The following ZNF565 variants were observed in gnomAD, a reference collection of about 807,000 sequenced individuals.
ZNF565 encodes zinc finger protein 565.
Under a neutral mutation model 39.4 loss-of-function variants are expected in ZNF565, and 27 were observed. The observed-to-expected ratio is 0.69, with a 90% confidence interval of 0.51 to 0.95. The LOEUF is 0.95. Ranked by LOEUF, ZNF565 falls within the 40% of genes least tolerant of loss-of-function variation. ZNF565 has a pLI of 0.00. For missense variants in ZNF565, 524 were observed against 621.1 expected (o/e 0.84, Z 1.66); for synonymous variants, 185 against 216.6 (o/e 0.85, Z 1.28).
At position 36,240,257 on chromosome 19, in the gene ZNF565, T is replaced by G. The variant is rs184164408; in HGVS notation, c.55+5219A>C. Among the ~76,000 whole-genome samples the G allele has an allele frequency of 2.0e-5, 3 of 152,336 alleles. No homozygotes were observed. In the East Asian group the frequency reaches 5.8e-4, roughly 29 times the overall value. ...TTTACATTGTATTAGGTATTATGAC[T>G]AATCTAGAGATGATTCTAGCTAGGC... On this transcript the variant is annotated intron_variant, in intron 1 of 4. Transcript: ENST00000355114.
chr19:36,191,009 A>G (rs11084852), intron 4 of ZNF565, among the ~76,000 whole-genome samples: 1 of 147,458 alleles, frequency 6.8e-6, no homozygotes, highest in Non-Finnish European at 1.5e-5. Flanking sequence ...AAAAAAAAAA[A>G]ACACATAAAA....
At chr19:36,231,280 G>T (rs1977356360) in intron 1 of ZNF565, among the ~76,000 whole-genome samples, 1 of 151,968 alleles carries the variant, frequency 6.6e-6, no homozygotes, top group Admixed American at 6.6e-5. Flanking sequence ...TGCCATCGTG[G>T]CTCACCGCAG....
chr19:36,211,988 T>C (rs1002495782), intron 1 of ZNF565, among the ~76,000 whole-genome samples: 2 of 152,132 alleles, frequency 1.3e-5, no homozygotes, highest in Non-Finnish European at 1.5e-5. Flanking sequence ...TCACAAGACA[T>C]GTATCAATTA....
intron 4 of ZNF565, among the ~76,000 whole-genome samples, chr19:36,192,153 T>C (rs531259126): frequency 6.6e-6 from 1 of 152,074 alleles, no homozygotes; most frequent in East Asian, 1.9e-4. Context: ...CACGCCCAGC[T>C]AATTTTTATA....
At chr19:36,204,741 C>A (rs1253749495) in intron 1 of ZNF565, among the ~76,000 whole-genome samples, 1 of 152,048 alleles carries the variant, frequency 6.6e-6, no homozygotes, top group Non-Finnish European at 1.5e-5. Context: ...TGTCATCCCA[C>A]CACTTTGGGA....
chr19:36,198,922 G>A (rs1050143698), intron 2 of ZNF565, among the ~76,000 whole-genome samples: 3 of 152,084 alleles, frequency 2.0e-5, no homozygotes, highest in Non-Finnish European at 4.4e-5. Flanking sequence ...TTAAAATAAA[G>A]AGTGTAACTG....
chr19:36,196,399 A>C (rs1975762502), intron 2 of ZNF565, among the ~76,000 whole-genome samples: 3 of 152,204 alleles, frequency 2.0e-5, no homozygotes, highest in South Asian at 4.1e-4. Flanking sequence ...GAGATGAAGA[A>C]GGGTACTGGA....
At chr19:36,190,026 G>T (rs545528133) in intron 4 of ZNF565, among the ~76,000 whole-genome samples, 117 of 152,026 alleles carry the variant, frequency 7.7e-4, no homozygotes, top group Middle Eastern at 3.4e-3. Flanking sequence ...TAGAGATGGG[G>T]TTTCACCATG....
At chr19:36,191,344 G>A (rs1242196426) in intron 4 of ZNF565, among the ~76,000 whole-genome samples, 5 of 142,300 alleles carry the variant, frequency 3.5e-5, no homozygotes, top group African/African-American at 1.3e-4. Context: ...CCGAGATGGA[G>A]TCTCACTCCT....
intron 1 of ZNF565, among the ~76,000 whole-genome samples, chr19:36,232,320 T>C (rs1977417593): frequency 6.6e-6 from 1 of 152,200 alleles, no homozygotes; most frequent in South Asian, 2.1e-4. Flanking sequence ...GTACTACTTA[T>C]ATAAACTTGA....
chr19:36,215,157 T>A (rs1022121470), upstream of ZNF565: 2 of 151,770 alleles, frequency 1.3e-5, no homozygotes, highest in African/African-American at 4.9e-5. Flanking sequence ...TGTCCGCGGG[T>A]CAGTACGGCC....
rs201495282 is a variant in ZNF565 at position 36,183,129 on chromosome 19, G to A, written c.837C>T (p.Tyr279=). 3.5e-5 allele frequency: 57 copies of A among 1,614,000 alleles called. No homozygotes were observed. The highest frequency in any genetic ancestry group is 2.2e-5 in the East Asian group (1 of 44,888). ...AAGCCTTGCCACAGTCTTTACATACGTAGGGTTTCTCGCCTGTGTGAGTTC... is the reference window on the plus strand; with the variant it reads ...AAGCCTTGCCACAGTCTTTACATACATAGGGTTTCTCGCCTGTGTGAGTTC... ...HQRTHTGEKP[Y]VCKDCGKAFI... is the part of the protein sequence containing the mutation. The change falls in exon 5 of 5, where the codon TAC becomes TAT. Residue 279 remains tyrosine, a synonymous_variant. Transcript: ENST00000304116.
intron 1 of ZNF565, among the ~76,000 whole-genome samples, chr19:36,220,637 A>G (rs1599959447): frequency 1.3e-5 from 2 of 152,262 alleles, no homozygotes; most frequent in South Asian, 4.1e-4. Context: ...AAGCGCTGGG[A>G]TTACAGGCGT....
intron 1 of ZNF565, among the ~76,000 whole-genome samples, chr19:36,229,532 C>T (rs1049598245): frequency 2.0e-5 from 3 of 152,058 alleles, no homozygotes; most frequent in African/African-American, 7.2e-5. Flanking sequence ...GTTGTGGTCA[C>T]GTTTACGCGT....
chr19:36,228,372 C>T (rs181731221), intron 1 of ZNF565: 11 of 152,190 alleles, frequency 7.2e-5, no homozygotes, highest in African/African-American at 2.4e-4. Flanking sequence ...TTAAAATCCT[C>T]TCAGGACCCT....
At chr19:36,226,691 T>C (rs1003573446) in intron 1 of ZNF565, among the ~76,000 whole-genome samples, 5 of 152,218 alleles carry the variant, frequency 3.3e-5, no homozygotes, top group African/African-American at 1.2e-4. Flanking sequence ...AGTACAGTGA[T>C]CAAAATCGGG....
Position 36,201,913 on chromosome 19 carries a change from A to T in ZNF565, c.9+64T>A, listed in dbSNP as rs1975978703. On this transcript the variant is annotated intron_variant, in intron 2 of 4. Coordinates refer to ENST00000304116, the MANE Select transcript of ZNF565 (RefSeq NM_152477.5). ...ACAGGGAAGTTCCAGGATAAAGAACACAGTGTCCATATAATCTGGCGGGAA... is the reference window on the plus strand; with the variant it reads ...ACAGGGAAGTTCCAGGATAAAGAACTCAGTGTCCATATAATCTGGCGGGAA... The T allele has an allele frequency of 5.7e-6, 9 of 1,579,900 alleles. No homozygotes were observed. The East Asian group carries it at 2.0e-4, about 35-fold the overall frequency.
intron 1 of ZNF565, among the ~76,000 whole-genome samples, chr19:36,204,621 TAATTTAATTTA>T (rs1256852880): frequency 1.3e-5 from 2 of 152,236 alleles, no homozygotes; most frequent in African/African-American, 4.8e-5. Context: ...TTATTTTAAT[TAATTTAATTTA>T]AATTTAATTA....
intron 1 of ZNF565, among the ~76,000 whole-genome samples, chr19:36,208,234 G>A (rs1030498747): frequency 2.8e-4 from 42 of 149,686 alleles, no homozygotes; most frequent in African/African-American, 1.0e-3. Context: ...GCAGGGCAGG[G>A]ACAGGATCTC....
Sources: allele counts gnomAD v4.1 joint callset (sites outside exome capture counted in the v4.1 genomes callset), GRCh38; gene constraint gnomAD v4.1.1; transcripts MANE v1.5; gene names NCBI Gene and HGNC (gene_info 2026-07-23, HGNC 2026-07-21).